Variants in UBE2Q2 observed in about 807,000 individuals in gnomAD.
The protein encoded by UBE2Q2 is ubiquitin conjugating enzyme E2 Q2, also known as ubiquitin-conjugating enzyme E2 Q2.
A neutral mutation model predicts 59.9 loss-of-function variants in UBE2Q2; 54 were observed. The ratio of observed to expected loss-of-function variants is 0.90; its 90% CI spans 0.72 to 1.13. UBE2Q2 has a LOEUF of 1.13. Ranked by LOEUF, UBE2Q2 falls within the 50% of genes most tolerant of loss-of-function variation. UBE2Q2 has a pLI of 0.00. For missense variants in UBE2Q2, 433 were observed against 441.9 expected (o/e 0.98, Z 0.18); for synonymous variants, 165 against 155.2 (o/e 1.06, Z -0.47).
At chr15:75,895,580 T>C (rs1899367383) in intron 11 of UBE2Q2, among the ~76,000 whole-genome samples, 1 of 151,062 alleles carries the variant, frequency 6.6e-6, no homozygotes, top group Non-Finnish European at 1.5e-5. Flanking sequence ...TAAAAAAAAA[T>C]AGGAAAAGGG....
chr15:75,877,888 T>G (rs2141631401), intron 6 of UBE2Q2, 73 bp from the exon 7 acceptor site: 17 of 1,382,990 alleles, frequency 1.2e-5, no homozygotes, highest in Non-Finnish European at 1.7e-5. Flanking sequence ...GGCTATTTAG[T>G]GTATACATTT....
chr15:75,898,689 C>T (rs746919306), intron 12 of UBE2Q2, among the ~76,000 whole-genome samples: 3 of 152,160 alleles, frequency 2.0e-5, no homozygotes, highest in Non-Finnish European at 4.4e-5. Context: ...TGTGAAATGA[C>T]GTTATGGCTC....
intron 12 of UBE2Q2, 145 bp downstream of exon 12, chr15:75,897,206 CTTTATTTA>C (rs1170724083): frequency 9.8e-6 from 3 of 305,116 alleles, no homozygotes; most frequent in South Asian, 1.5e-4. Flanking sequence ...CATACAAAAT[CTTTATTTA>C]TTTATTTATT....
chr15:75,886,732 C>G (rs994243675), intron 9 of UBE2Q2, among the ~76,000 whole-genome samples: 1 of 152,070 alleles, frequency 6.6e-6, no homozygotes, highest in East Asian at 1.9e-4. Context: ...ACTAAAAATA[C>G]AAAAATTAGC....
intron 7 of UBE2Q2, 70 bp downstream of exon 7, chr15:75,878,091 C>G: frequency 7.5e-7 from 1 of 1,331,548 alleles, no homozygotes; most frequent in Non-Finnish European, 1.1e-6. Flanking sequence ...TATTTTCCTT[C>G]TAACTTGATA....
intron 2 of UBE2Q2, among the ~76,000 whole-genome samples, chr15:75,855,099 C>T (rs1285560052): frequency 6.6e-6 from 1 of 152,104 alleles, no homozygotes; most frequent in Non-Finnish European, 1.5e-5. Context: ...TTATTTTCTA[C>T]CAGTATATAT....
At chr15:75,886,186 C>G (rs1021769999) in intron 9 of UBE2Q2, among the ~76,000 whole-genome samples, 2 of 151,768 alleles carry the variant, frequency 1.3e-5, no homozygotes, top group Non-Finnish European at 2.9e-5. Context: ...GTGGCGCAAT[C>G]TTGGCTCACT....
intron 3 of UBE2Q2, among the ~76,000 whole-genome samples, chr15:75,863,506 C>T (rs1401368389): frequency 1.3e-5 from 2 of 150,854 alleles, no homozygotes; most frequent in Non-Finnish European, 2.9e-5. Flanking sequence ...TGCAGTGGCG[C>T]GATCTCAACT....
Position 75,843,657 on chromosome 15 carries a change from T to A in UBE2Q2, c.-10T>A. Reference sequence around the variant, plus strand: ...CCTTCCGCGCCCCTCCCGCCGGAGATGAGGGGAAGATGTCCGTGTCAGGGC... The same window carrying A: ...CCTTCCGCGCCCCTCCCGCCGGAGAAGAGGGGAAGATGTCCGTGTCAGGGC... On this transcript the variant is annotated 5_prime_UTR_variant, in exon 1 of 13. It removes an upstream start codon present in the reference 5' UTR. Coordinates refer to ENST00000267938, the MANE Select transcript of UBE2Q2 (RefSeq NM_173469.4). 6.4e-7 allele frequency: 1 copy of A among 1,561,956 alleles called. No homozygotes were observed. Among genetic ancestry groups the A allele is most frequent in the Non-Finnish European group, 8.7e-7 (1 of 1,153,522 alleles).
chr15:75,857,824 G>C (rs1027697406), intron 2 of UBE2Q2, among the ~76,000 whole-genome samples: 1 of 150,534 alleles, frequency 6.6e-6, no homozygotes, highest in African/African-American at 2.4e-5. Context: ...TATATTAAAT[G>C]AAAAAGCAAG....
At chr15:75,844,120 G>T in intron 1 of UBE2Q2, 2 of 1,415,682 alleles carry the variant, frequency 1.4e-6, no homozygotes, top group Non-Finnish European at 1.8e-6. Flanking sequence ...TAGCCCCGAG[G>T]GGGGAGTCCG....
chr15:75,878,183 C>T (rs893296720), intron 7 of UBE2Q2, 162 bp downstream of exon 7: 8 of 565,948 alleles, frequency 1.4e-5, no homozygotes, highest in Non-Finnish European at 2.1e-5. Context: ...TGAGCTGTTG[C>T]TGAGGTCTAA....
At chr15:75,865,865 A>C (rs1324086527) in intron 3 of UBE2Q2, among the ~76,000 whole-genome samples, 3 of 151,630 alleles carry the variant, frequency 2.0e-5, no homozygotes, top group Non-Finnish European at 4.4e-5. Flanking sequence ...TGTCCCTTGA[A>C]TACTTGCTGT....
chr15:75,862,353 A>G (rs532474871), intron 3 of UBE2Q2, among the ~76,000 whole-genome samples: 4 of 141,974 alleles, frequency 2.8e-5, no homozygotes, highest in African/African-American at 1.0e-4. Flanking sequence ...CTATTTTGAT[A>G]CTCTTTGGCC....
intron 9 of UBE2Q2, among the ~76,000 whole-genome samples, chr15:75,888,676 C>T (rs1320906969): frequency 6.6e-6 from 1 of 152,052 alleles, no homozygotes; most frequent in Non-Finnish European, 1.5e-5. Flanking sequence ...TTTTAGGTGT[C>T]GATGCTGCTG....
chr15:75,844,963 AT>A (rs895950009), intron 1 of UBE2Q2, among the ~76,000 whole-genome samples: 20 of 149,472 alleles, frequency 1.3e-4, no homozygotes, highest in African/African-American at 5.0e-4. Context: ...AGGTGTGTTA[AT>A]TTCAAAAAAA....
At chr15:75,899,301 A>G (rs531244664) in intron 12 of UBE2Q2, 126 bp from the exon 13 acceptor site, 23 of 298,094 alleles carry the variant, frequency 7.7e-5, no homozygotes, top group African/African-American at 5.4e-4. Context: ...ATATATATAT[A>G]TATTTTTTAC....
chr15:75,856,269 G>GTGTGTGTATATA (rs1256142539), intron 2 of UBE2Q2, among the ~76,000 whole-genome samples: 27 of 139,286 alleles, frequency 1.9e-4, no homozygotes, highest in African/African-American at 6.9e-4. Flanking sequence ...GTGTGTGTGT[G>GTGTGTGTATATA]TATATATATA....
At chr15:75,879,614 T>C (rs576021574) in intron 8 of UBE2Q2, among the ~76,000 whole-genome samples, 1 of 152,326 alleles carries the variant, frequency 6.6e-6, no homozygotes, top group East Asian at 1.9e-4. Context: ...CAATATCACC[T>C]GCAGTGTAGT....
Sources: allele counts gnomAD v4.1 joint callset (sites outside exome capture counted in the v4.1 genomes callset), GRCh38; gene constraint gnomAD v4.1.1; transcripts MANE v1.5; gene names NCBI Gene and HGNC (gene_info 2026-07-23, HGNC 2026-07-21).